The following SENP7 variants were observed in gnomAD, a reference collection of about 807,000 sequenced individuals.
SENP7 encodes SUMO specific peptidase 7, also known as sentrin-specific protease 7.
SENP7 carries 64 observed loss-of-function variants against 141.2 expected under a neutral mutation model. The ratio of observed to expected loss-of-function variants is 0.45; its 90% CI spans 0.37 to 0.56. SENP7 has a LOEUF of 0.56. SENP7 is among the 20% of genes least tolerant of loss of function. The pLI is 0.00. For synonymous variants in SENP7, 382 were observed against 426.4 expected (o/e 0.90, Z 1.28); for missense variants, 1,025 against 1,212.2 (o/e 0.85, Z 2.29).
At chr3:101,386,662 A>T (rs928437421) in intron 6 of SENP7, among the ~76,000 whole-genome samples, 5 of 152,180 alleles carry the variant, frequency 3.3e-5, no homozygotes, top group Non-Finnish European at 7.4e-5. Context: ...TAGCCCAGAC[A>T]GTATCCTGCG....
chr3:101,438,726 T>C (rs1368996244), intron 4 of SENP7, among the ~76,000 whole-genome samples: 2 of 152,192 alleles, frequency 1.3e-5, no homozygotes, highest in Admixed American at 6.5e-5. Flanking sequence ...AATGAGTAAA[T>C]AGAAAACTTG....
intron 11 of SENP7, chr3:101,358,152 C>A: frequency 1.9e-6 from 1 of 525,886 alleles, no homozygotes; most frequent in East Asian, 6.3e-5. Context: ...TAAGATAATT[C>A]ATACTGGAGA....
chr3:101,416,788 T>C (rs2061636535), intron 5 of SENP7, among the ~76,000 whole-genome samples: 1 of 152,220 alleles, frequency 6.6e-6, no homozygotes, highest in Admixed American at 6.5e-5. Flanking sequence ...AAGTTAGCAG[T>C]TTTTATCTGG....
rs567967320 is a variant in SENP7 at position 101,478,306 on chromosome 3, C to T, written c.186+15567G>A. On this transcript the variant is annotated intron_variant, in intron 3 of 23. Transcript: ENST00000394095. ...GCCAAGTTGGGAGGACTGCTTGAGT[C>T]CAGGAGTTTAAGAACAGCCTAGGCA... is the stretch of plus-strand genomic sequence containing the variant. Among the ~76,000 whole-genome samples the T allele has an allele frequency of 3.9e-5, 6 of 152,162 alleles. No individual in the cohort carries two copies. The South Asian group carries it at 1.2e-3, about 32-fold the overall frequency.
intron 2 of SENP7, among the ~76,000 whole-genome samples, chr3:101,499,049 G>A (rs531522018): frequency 7.9e-5 from 12 of 152,190 alleles, no homozygotes; most frequent in East Asian, 1.9e-4. Context: ...TAATCATACC[G>A]TAGTTATATA....
At chr3:101,449,930 G>T (rs1175535742) in intron 4 of SENP7, among the ~76,000 whole-genome samples, 1 of 152,182 alleles carries the variant, frequency 6.6e-6, no homozygotes, top group Non-Finnish European at 1.5e-5. Context: ...ATTGGATAAA[G>T]AGTCAAGACC....
At chr3:101,377,610 G>T (rs868137786) in intron 6 of SENP7, among the ~76,000 whole-genome samples, 3 of 152,226 alleles carry the variant, frequency 2.0e-5, no homozygotes, top group Middle Eastern at 3.4e-3. Context: ...ATATATCAGA[G>T]CATTCTGTTC....
intron 13 of SENP7, 174 bp downstream of exon 13, chr3:101,347,698 G>T: frequency 2.7e-6 from 1 of 366,460 alleles, no homozygotes; most frequent in South Asian, 5.2e-5. Flanking sequence ...CTCCAGCCTG[G>T]GTGACAAAGC....
At chr3:101,415,661 G>C (rs1403784942) in intron 5 of SENP7, among the ~76,000 whole-genome samples, 1 of 152,164 alleles carries the variant, frequency 6.6e-6, no homozygotes. Context: ...GAAATTCAAG[G>C]AAGAAAAAGT....
rs549710771 is a variant in SENP7 at position 101,406,814 on chromosome 3, T to A, written c.483-7759A>T. Among the ~76,000 whole-genome samples, 7 of 152,232 alleles carry A rather than the reference T, an allele frequency of 4.6e-5. No individual in the cohort carries two copies. The East Asian group carries it at 1.4e-3, about 29-fold the overall frequency. On this transcript the variant is annotated intron_variant, in intron 5 of 23. Transcript: ENST00000394095. ...ATGAAGGAAAGAATCTTAAGAGCTG[T>A]GAGGCAAAAGCACCAGGTAACCTGT...
chr3:101,455,472 C>G (rs2063319561), intron 4 of SENP7, among the ~76,000 whole-genome samples: 1 of 152,054 alleles, frequency 6.6e-6, no homozygotes, highest in African/African-American at 2.4e-5. Context: ...ACTGATATTG[C>G]TCATGTACTC....
chr3:101,387,063 G>A (rs921977108), intron 6 of SENP7, among the ~76,000 whole-genome samples: 2 of 151,962 alleles, frequency 1.3e-5, no homozygotes, highest in Non-Finnish European at 2.9e-5. Context: ...CTGAGTACAT[G>A]CCTTCCCTGG....
At chr3:101,430,923 T>C (rs1171003022) in intron 4 of SENP7, among the ~76,000 whole-genome samples, 1 of 152,228 alleles carries the variant, frequency 6.6e-6, no homozygotes, top group African/African-American at 2.4e-5. Flanking sequence ...TATTTCTGCC[T>C]TCATTTCGTT....
chr3:101,436,334 G>C (rs1178572452), intron 4 of SENP7, among the ~76,000 whole-genome samples: 1 of 152,086 alleles, frequency 6.6e-6, no homozygotes, highest in East Asian at 1.9e-4. Context: ...AGAAAACACT[G>C]GGGAAAATCT....
intron 12 of SENP7, among the ~76,000 whole-genome samples, chr3:101,348,381 CTCTG>C (rs757998214): frequency 6.6e-6 from 1 of 152,076 alleles, no homozygotes; most frequent in Admixed American, 6.5e-5. Flanking sequence ...AGCATAAAAA[CTCTG>C]TCTGGAGAGA....
intron 5 of SENP7, among the ~76,000 whole-genome samples, chr3:101,416,948 G>A (rs2061641725): frequency 6.6e-6 from 1 of 152,082 alleles, no homozygotes; most frequent in African/African-American, 2.4e-5. Context: ...AAATCGTGAT[G>A]TATAAAAGAT....
At chr3:101,441,839 G>A (rs553895956) in intron 4 of SENP7, among the ~76,000 whole-genome samples, 33 of 152,126 alleles carry the variant, frequency 2.2e-4, no homozygotes, top group South Asian at 6.2e-4. Flanking sequence ...CACAGTCTCC[G>A]TTAGAAACCA....
Position 101,360,596 on chromosome 3 carries a change from A to C in SENP7, c.1623+1119T>G, listed in dbSNP as rs577283990. Among the ~76,000 whole-genome samples, 6 of 152,370 alleles carry C rather than the reference A, an allele frequency of 3.9e-5. No individual in the cohort carries two copies. In the South Asian group the frequency reaches 1.2e-3, roughly 32 times the overall value. On this transcript the variant is annotated intron_variant, in intron 11 of 23. Transcript: ENST00000394095. ...ATGCCTGAGTTACTAAATCTGACAC[A>C]GTCACTTCAACAAACATTTAAGTGC... is the stretch of plus-strand genomic sequence containing the variant.
chr3:101,470,155 C>A (rs2063928704), intron 3 of SENP7, among the ~76,000 whole-genome samples: 1 of 152,074 alleles, frequency 6.6e-6, no homozygotes, highest in South Asian at 2.1e-4. Flanking sequence ...ACTAACATCA[C>A]AATTAAAAGA....
Sources: gnomAD v4.1 joint callset for allele counts (sites outside exome capture counted in the v4.1 genomes callset) on GRCh38, gnomAD v4.1.1 for gene constraint, MANE v1.5 for transcripts, NCBI Gene and HGNC (gene_info 2026-07-23, HGNC 2026-07-21) for gene names.